KIF5B: variants seen among roughly 807,000 people sequenced by gnomAD.
KIF5B encodes the protein kinesin-1 heavy chain.
In KIF5B, 49 loss-of-function variants were observed where a neutral mutation model predicts 132.8. The observed-to-expected ratio is 0.37, with a 90% CI of 0.29 to 0.47. The LOEUF is 0.47. Ranked by LOEUF, KIF5B falls within the 20% of genes least tolerant of loss-of-function variation. KIF5B has a pLI of 1.00. For synonymous variants in KIF5B, 355 were observed against 369.4 expected (o/e 0.96, Z 0.45); for missense variants, 780 against 1,144.0 (o/e 0.68, Z 4.59).
chr10:32,037,180 C>A (rs778195672), intron 8 of KIF5B, 74 bp downstream of exon 8: 3 of 1,409,336 alleles, frequency 2.1e-6, no homozygotes, highest in Middle Eastern at 4.8e-4. Flanking sequence ...AACAATGAAC[C>A]CTGCGTAACT....
chr10:32,036,582 G>A (rs2132603561), intron 8 of KIF5B, among the ~76,000 whole-genome samples: 1 of 152,314 alleles, frequency 6.6e-6, no homozygotes. Context: ...ACCATGCCCA[G>A]CTAGTATCTA....
At chr10:32,055,821 G>C in intron 1 of KIF5B, 27 bp downstream of exon 1, 1 of 1,608,950 alleles carries the variant, frequency 6.2e-7, no homozygotes, top group East Asian at 2.2e-5. Flanking sequence ...AGAAGCGGGA[G>C]GAGGGATGCC....
chr10:32,034,111 A>ATTTT, intron 11 of KIF5B, 73 bp from the exon 12 acceptor site: 3 of 695,680 alleles, frequency 4.3e-6, no homozygotes, highest in Non-Finnish European at 6.5e-6. Flanking sequence ...TCCTTTAAAA[A>ATTTT]TTTTTTTTTT....
intron 12 of KIF5B, 42 bp from the exon 13 acceptor site, chr10:32,032,816 T>C: frequency 6.9e-7 from 1 of 1,445,014 alleles, no homozygotes; most frequent in Non-Finnish European, 9.8e-7. Flanking sequence ...GCTAACAACC[T>C]GGTTCTAGTT....
intron 14 of KIF5B, among the ~76,000 whole-genome samples, chr10:32,030,268 G>C (rs914033765): frequency 2.6e-5 from 4 of 152,176 alleles, no homozygotes; most frequent in African/African-American, 7.2e-5. Flanking sequence ...TGTAATCCCA[G>C]CACTTTGGGA....
At chr10:32,027,646 AC>A (rs1841350772) in intron 15 of KIF5B, among the ~76,000 whole-genome samples, 1 of 140,656 alleles carries the variant, frequency 7.1e-6, no homozygotes, top group African/African-American at 2.7e-5. Context: ...ATAGGGTCTC[AC>A]TGTTGCTCAG....
At chr10:32,026,798 T>C (rs978863888) in intron 15 of KIF5B, among the ~76,000 whole-genome samples, 3 of 152,168 alleles carry the variant, frequency 2.0e-5, no homozygotes, top group Non-Finnish European at 2.9e-5. Context: ...CGATATGAAA[T>C]AAATGTACTT....
chr10:32,018,605 G>T, intron 20 of KIF5B, 43 bp from the exon 21 acceptor site: 1 of 996,886 alleles, frequency 1.0e-6, no homozygotes, highest in Non-Finnish European at 1.4e-6. Context: ...ATTTTATTCT[G>T]TATATTGTAC....
At chr10:32,040,583 A>G in intron 2 of KIF5B, 126 bp from the exon 3 acceptor site, 1 of 621,374 alleles carries the variant, frequency 1.6e-6, no homozygotes, top group Non-Finnish European at 2.9e-6. Flanking sequence ...TGTTACAGGA[A>G]AATATCAGAT....
intron 14 of KIF5B, 46 bp downstream of exon 14, chr10:32,031,027 A>G (rs748247104): frequency 7.4e-7 from 1 of 1,355,124 alleles, no homozygotes; most frequent in Non-Finnish European, 1.0e-6. Flanking sequence ...TAGGTTAAGA[A>G]TACTTGTACT....
intron 6 of KIF5B, 47 bp from the exon 7 acceptor site, chr10:32,037,654 GA>G (rs745342110): frequency 2.1e-6 from 3 of 1,402,262 alleles, no homozygotes; most frequent in African/African-American, 1.4e-5. Context: ...CCAACATGAT[GA>G]AACCCTTTCT....
intron 9 of KIF5B, 25 bp downstream of exon 9, chr10:32,035,865 G>A (rs1213167765): frequency 1.9e-6 from 3 of 1,550,664 alleles, no homozygotes; most frequent in African/African-American, 2.7e-5. Context: ...AAGGTAACAG[G>A]GAGATAGAAG....
chr10:32,024,864 G>T (rs1841314543), intron 15 of KIF5B, among the ~76,000 whole-genome samples: 1 of 152,108 alleles, frequency 6.6e-6, no homozygotes, highest in South Asian at 2.1e-4. Context: ...ACCACCTGTA[G>T]TCAGGAGTTC....
intron 1 of KIF5B, among the ~76,000 whole-genome samples, chr10:32,049,638 T>G: frequency 6.6e-6 from 1 of 152,114 alleles, no homozygotes; most frequent in East Asian, 1.9e-4. Context: ...AAAACAGCTT[T>G]GATCTTCTGG....
At chr10:32,029,257 T>C (rs1841369519) in intron 14 of KIF5B, among the ~76,000 whole-genome samples, 1 of 152,208 alleles carries the variant, frequency 6.6e-6, no homozygotes, top group African/African-American at 2.4e-5. Context: ...TCTGGGACTT[T>C]TTGAGTGCTT....
chr10:32,038,640 T>G (rs1204786870), intron 5 of KIF5B, 138 bp downstream of exon 5: 2 of 604,604 alleles, frequency 3.3e-6, no homozygotes, highest in African/African-American at 3.8e-5. Flanking sequence ...AACTAAAACT[T>G]TAGAAGAAAA....
At chr10:32,022,813 T>C (rs1357281508) in intron 16 of KIF5B, 35 bp downstream of exon 16, 3 of 1,424,918 alleles carry the variant, frequency 2.1e-6, no homozygotes, top group Non-Finnish European at 1.9e-6. Context: ...TGTGGCTGTT[T>C]CAAAAAAATG....
In KIF5B at chr10:32,054,969, A is replaced by C. The variant is rs556306054; in HGVS notation, c.126+879T>G. On this transcript the variant is annotated intron_variant, in intron 1 of 25. Transcript: ENST00000302418. ...TCTTCAAGATAGACCTTAACTGCAG[A>C]AGTATGAATCTAATACTGGTCAATT... Among the ~76,000 whole-genome samples, 9 of 152,326 alleles carry C rather than the reference A, an allele frequency of 5.9e-5. No individual in the cohort carries two copies. In the South Asian group the frequency reaches 1.9e-3, roughly 32 times the overall value.
intron 3 of KIF5B, 69 bp from the exon 4 acceptor site, chr10:32,039,500 A>G (rs1284682234): frequency 1.3e-6 from 1 of 746,262 alleles, no homozygotes; most frequent in East Asian, 2.9e-5. Flanking sequence ...AAGAGTTTCA[A>G]TCTACAACTT....
Sources: allele counts gnomAD v4.1 joint callset (sites outside exome capture counted in the v4.1 genomes callset), GRCh38; gene constraint gnomAD v4.1.1; transcripts MANE v1.5; gene names NCBI Gene and HGNC (gene_info 2026-07-23, HGNC 2026-07-21).